FAT1: variants seen among roughly 807,000 people sequenced by gnomAD.
FAT1 encodes the protein protocadherin Fat 1.
In FAT1, 171 loss-of-function variants were observed where a neutral mutation model predicts 329.8. The ratio of observed to expected loss-of-function variants is 0.52; its 90% confidence interval spans 0.46 to 0.59. FAT1 has a LOEUF of 0.59. Ranked by LOEUF, FAT1 falls within the 20% of genes least tolerant of loss-of-function variation. The probability of loss-of-function intolerance (pLI) is 0.00; values close to 1 mark genes in which losing one functional copy is unlikely to be tolerated. For synonymous variants in FAT1, 2,233 were observed against 2,228.6 expected, an observed-to-expected ratio of 1.00 and a Z score of -0.06; for missense variants, 5,672 against 5,774.4, an observed-to-expected ratio of 0.98 and a Z score of 0.57.
chr4:186,667,288 T>C (rs957413751), intron 2 of FAT1, among the ~76,000 whole-genome samples: 1 of 151,684 alleles, frequency 6.6e-6, no homozygotes, highest in African/African-American at 2.4e-5. Context: ...AACCAGGGGG[T>C]GGGGGACAGT....
chr4:186,655,783 A>G (rs558595502), intron 3 of FAT1, among the ~76,000 whole-genome samples: 69 of 152,354 alleles, frequency 4.5e-4, no homozygotes, highest in African/African-American at 1.6e-3. Context: ...AAAACCCAAG[A>G]TGCATATCCA....
rs1038204385 is a variant in FAT1 at position 186,636,889 on chromosome 4, G to A, written c.3668C>T (p.Pro1223Leu). 1.2e-6 allele frequency: 2 copies of A among 1,610,972 alleles called. No individual in the cohort carries two copies. ...LEVTVTDNGS[P>L]PKSTIARVIV... ...GACTCTTGCAATGGTTGATTTGGGG[G>A]GACTACCATTGTCTGTCACAGTAAC... Residue 1223 changes from proline to leucine, a missense_variant, in exon 5 of 27, where the codon CCC becomes CTC. This residue lies in a region of FAT1 where 3,966 missense variants were observed against 3,915.2 expected (regional missense o/e 1.01). Coordinates refer to ENST00000441802, the MANE Select transcript of FAT1 (RefSeq NM_005245.4).
At chr4:186,687,225 C>T (rs1316129246) in intron 2 of FAT1, among the ~76,000 whole-genome samples, 2 of 152,102 alleles carry the variant, frequency 1.3e-5, no homozygotes, top group South Asian at 4.1e-4. Context: ...AACTAACAAC[C>T]ACTGTTTCAA....
chr4:186,688,522 T>C (rs1048425649), intron 2 of FAT1, among the ~76,000 whole-genome samples: 9 of 151,996 alleles, frequency 5.9e-5, no homozygotes, highest in Admixed American at 1.3e-4. Flanking sequence ...ACCTAATCAA[T>C]AGGGTTCCAA....
At chr4:186,692,374 G>A (rs1161968318) in intron 2 of FAT1, among the ~76,000 whole-genome samples, 3 of 151,776 alleles carry the variant, frequency 2.0e-5, no homozygotes, top group South Asian at 2.1e-4. Flanking sequence ...GTGCAGTGGC[G>A]CAATCTCGGT....
In FAT1 at chr4:186,616,233, C is replaced by CA. The variant is rs573355290; in HGVS notation, c.9075+771dup. Among the ~76,000 whole-genome samples the CA allele has an allele frequency of 1.8e-4, 28 of 152,258 alleles. No individual in the cohort carries two copies. In the East Asian group the frequency reaches 2.5e-3, roughly 14 times the overall value. ...TCTACCTTACCGATATAAAAGGCTC[C>CA]AAAGTCCCTATTTTCTCTAGGATCG... On this transcript the variant is annotated intron_variant, in intron 11 of 26. Coordinates refer to ENST00000441802, the MANE Select transcript of FAT1 (RefSeq NM_005245.4).
rs2126513011 is a variant in FAT1, at chr4:186,620,162, C to G, written c.6424G>C (p.Glu2142Gln). 6.2e-7 allele frequency: 1 copy of G among 1,614,006 alleles called. No individual in the cohort carries two copies. Reference sequence around the variant, plus strand: ...TATTCTTTATTTAAGGTGTCAAGCTCAAATTGCTTTTTCAGTGAAATTTCA... The same window carrying G: ...TATTCTTTATTTAAGGTGTCAAGCTGAAATTGCTTTTTCAGTGAAATTTCA... The part of the protein sequence containing the change: ...LGEISLKKQF[E>Q]LDTLNKEYLV... Residue 2142 changes from glutamate to glutamine, a missense_variant, in exon 10 of 27, where the codon GAG becomes CAG. Physicochemically the swap from Glu to Gln is conservative, Grantham distance 29 (BLOSUM62 2). Transcript: ENST00000441802.
intron 16 of FAT1, among the ~76,000 whole-genome samples, chr4:186,608,281 C>A (rs1389653026): frequency 6.6e-6 from 1 of 152,200 alleles, no homozygotes; most frequent in Non-Finnish European, 1.5e-5. Context: ...ATAACCTATA[C>A]ACATCCTCCC....
At chr4:186,716,346 T>C (rs1745202524) in intron 1 of FAT1, among the ~76,000 whole-genome samples, 1 of 152,208 alleles carries the variant, frequency 6.6e-6, no homozygotes, top group Admixed American at 6.5e-5. Context: ...TCAGTAGAAT[T>C]TAACTCATGA....
chr4:186,633,611 T>C, intron 7 of FAT1, 73 bp downstream of exon 7: 1 of 1,541,006 alleles, frequency 6.5e-7, no homozygotes, highest in Non-Finnish European at 9.0e-7. Context: ...CCGCTCATAT[T>C]GCCCGTGGAC....
Position 186,692,343 on chromosome 4 carries a change from C to G in FAT1, c.3265+14220G>C, listed in dbSNP as rs186131222. Among the ~76,000 whole-genome samples the G allele has an allele frequency of 3.9e-3, 588 of 151,700 alleles. 4 individuals are homozygous for G. The highest frequency in any genetic ancestry group is 0.024 in the South Asian group (114 of 4,820). On this transcript the variant is annotated intron_variant, in intron 2 of 26. Coordinates refer to ENST00000441802, the MANE Select transcript of FAT1 (RefSeq NM_005245.4). ...TATTTATTTTTTTGAGACGGAGTCTCGCTCTGTCGCCCAGGCTGGAGTGCA... is the reference window on the plus strand; with the variant it reads ...TATTTATTTTTTTGAGACGGAGTCTGGCTCTGTCGCCCAGGCTGGAGTGCA...
chr4:186,683,464 C>A (rs1358427042), intron 2 of FAT1, among the ~76,000 whole-genome samples: 1 of 152,164 alleles, frequency 6.6e-6, no homozygotes. Flanking sequence ...CAATAAACGT[C>A]AACTACCAGA....
chr4:186,711,715 C>T (rs746216633), intron 1 of FAT1, among the ~76,000 whole-genome samples: 7 of 152,040 alleles, frequency 4.6e-5, no homozygotes, highest in Non-Finnish European at 1.0e-4. Flanking sequence ...CTCAGGAGTT[C>T]GAGACCAGCC....
In FAT1 at chr4:186,588,824, C is replaced by T. The variant is rs761609848; in HGVS notation, c.13535G>A (p.Cys4512Tyr). Reference sequence around the variant, plus strand: ...CGGGTAAGGGGCATGGGGTTCTCTACAAGTACTATTCTCACCAGTGCCTTT... The same window carrying T: ...CGGGTAAGGGGCATGGGGTTCTCTATAAGTACTATTCTCACCAGTGCCTTT... The part of the protein sequence containing the change: ...QTKGTGENST[C>Y]REPHAPYPPG... Residue 4512 changes from cysteine (C) to tyrosine (Y), a missense_variant, in exon 27 of 27, where the codon TGT (cysteine) becomes TAT (tyrosine). This residue lies in a region of FAT1 where 1,706 missense variants were observed against 1,859.1 expected (regional missense o/e 0.92). Coordinates refer to ENST00000441802, the MANE Select transcript of FAT1 (RefSeq NM_005245.4). The T allele has an allele frequency of 1.2e-6, 2 of 1,613,988 alleles. No homozygotes were observed.
At chr4:186,712,835 C>A (rs1162743721) in intron 1 of FAT1, among the ~76,000 whole-genome samples, 1 of 152,072 alleles carries the variant, frequency 6.6e-6, no homozygotes, top group Non-Finnish European at 1.5e-5. Flanking sequence ...CGAGACATTG[C>A]CAAACACCCT....
rs1738130398 is a variant in FAT1 at position 186,589,355 on chromosome 4, C to G, written c.13139-135G>C. On this transcript the variant is annotated intron_variant, in intron 26 of 26. Coordinates refer to ENST00000441802, the MANE Select transcript of FAT1 (RefSeq NM_005245.4). Reference sequence around the variant, plus strand: ...CATTCAAAGTTCACCACTGGAAATTCCTCGTCTTTGCTTTGAAGACATCCC... The same window carrying G: ...CATTCAAAGTTCACCACTGGAAATTGCTCGTCTTTGCTTTGAAGACATCCC... 3 of 1,011,106 alleles carry G rather than the reference C, an allele frequency of 3.0e-6. No individual in the cohort carries two copies. The South Asian group carries it at 5.0e-5, about 17-fold the overall frequency. The allele number at this position is 1,011,106 out of a possible 1,614,324, so 62.6% of individuals were successfully genotyped here.
chr4:186,704,697 T>G (rs143940280), intron 2 of FAT1, among the ~76,000 whole-genome samples: 2 of 152,196 alleles, frequency 1.3e-5, no homozygotes, highest in African/African-American at 4.8e-5. Context: ...GAAACAGTAT[T>G]TGAAAATTCT....
At chr4:186,606,254 G>C (rs1475478451) in intron 16 of FAT1, 41 bp from the exon 17 acceptor site, 2 of 1,606,346 alleles carry the variant, frequency 1.2e-6, no homozygotes, top group Admixed American at 1.7e-5. Flanking sequence ...ATTTTCACAA[G>C]GCCGACAGAG....
chr4:186,642,182 T>G (rs563735279), intron 3 of FAT1, among the ~76,000 whole-genome samples: 4 of 152,296 alleles, frequency 2.6e-5, no homozygotes, highest in Non-Finnish European at 5.9e-5. Context: ...TTCTTTCCAC[T>G]TCAGCCTGAG....
Sources: gnomAD v4.1 joint callset for allele counts (sites outside exome capture counted in the v4.1 genomes callset) on GRCh38, gnomAD v4.1.1 for gene constraint, gnomAD v4.1.1 regional missense constraint, MANE v1.5 for transcripts, NCBI Gene and HGNC (gene_info 2026-07-23, HGNC 2026-07-21) for gene names.